Variants in C2orf49 observed in about 807,000 individuals in gnomAD.
C2orf49 encodes the protein tRNA splicing ligase complex subunit 2, also known as tRNA-splicing ligase complex subunit ASW.
C2orf49 carries 11 observed loss-of-function variants against 20.6 expected under a neutral mutation model. That is an observed-to-expected ratio of 0.53 (90% CI 0.34 to 0.88). C2orf49 has a LOEUF of 0.88. Among genes scored for constraint, C2orf49 ranks in the 40% least tolerant of loss-of-function variants. C2orf49 has a pLI of 0.02. For synonymous variants in C2orf49, 134 were observed against 108.5 expected (o/e 1.24, Z -1.46); for missense variants, 289 against 274.2 (o/e 1.05, Z -0.38).
chr2:105,352,429 G>GTTTTTTTTTTTTTTTTTTTT (rs61585149), downstream of C2orf49, among the ~76,000 whole-genome samples: 1 of 80,758 alleles, frequency 1.2e-5, no homozygotes, highest in Non-Finnish European at 2.1e-5. Context: ...GTTTGTTTGG[G>GTTTTTTTTTTTTTTTTTTTT]TTTTTTTTTT....
the C2orf49 span, among the ~76,000 whole-genome samples, chr2:105,365,842 CAAAAA>C: frequency 6.7e-6 from 1 of 149,046 alleles, no homozygotes; most frequent in East Asian, 2.0e-4. Context: ...GAAACTGTCT[CAAAAA>C]AAGAAAAAAA....
At chr2:105,356,961 A>C in the C2orf49 span, among the ~76,000 whole-genome samples, 20 of 152,122 alleles carry the variant, frequency 1.3e-4, no homozygotes, top group Non-Finnish European at 2.4e-4. Context: ...TTTTTTAAGA[A>C]GGTCTCACTA....
the C2orf49 span, chr2:105,378,205 G>A: frequency 2.1e-6 from 1 of 470,570 alleles, no homozygotes; most frequent in South Asian, 1.6e-5. Context: ...AATATTTATG[G>A]CACAAAAATG....
In C2orf49 at chr2:105,341,960, G is replaced by A. The variant is rs554166307; in HGVS notation, c.267-888G>A. Reference sequence around the variant, plus strand: ...TGGGAGGCGGGCGGATTACCCTGAGGTCAGGAGTTCAAGACCAGCCTGGCC... The same window carrying A: ...TGGGAGGCGGGCGGATTACCCTGAGATCAGGAGTTCAAGACCAGCCTGGCC... On this transcript the variant is annotated intron_variant, in intron 2 of 3. Coordinates refer to ENST00000258457, the MANE Select transcript of C2orf49 (RefSeq NM_024093.3). Among the ~76,000 whole-genome samples the A allele has an allele frequency of 1.6e-4, 24 of 152,316 alleles. No homozygotes were observed. In the South Asian group the frequency reaches 5.0e-3, roughly 32 times the overall value.
At chr2:105,371,302 C>T in the C2orf49 span, among the ~76,000 whole-genome samples, 31 of 152,218 alleles carry the variant, frequency 2.0e-4, no homozygotes, top group African/African-American at 6.7e-4. Context: ...GTATCAGGGC[C>T]GGGCTTCATC....
chr2:105,369,073 A>G, the C2orf49 span, among the ~76,000 whole-genome samples: 2 of 152,186 alleles, frequency 1.3e-5, no homozygotes, highest in Non-Finnish European at 2.9e-5. Flanking sequence ...TGTGACAGAG[A>G]CTGTATGGTC....
chr2:105,384,028 G>A, the C2orf49 span, among the ~76,000 whole-genome samples: 986 of 152,284 alleles, frequency 6.5e-3, 2 homozygotes, highest in Non-Finnish European at 0.01. Context: ...TAAAACATGC[G>A]TGGAAGGATG....
the C2orf49 span, chr2:105,359,697 T>C: frequency 2.6e-5 from 4 of 152,318 alleles, no homozygotes; most frequent in Non-Finnish European, 5.9e-5. Flanking sequence ...AGAATGTTAT[T>C]TTTACTGTAA....
the C2orf49 span, chr2:105,359,598 A>G: frequency 3.9e-5 from 6 of 152,214 alleles, no homozygotes; most frequent in African/African-American, 1.4e-4. Context: ...GAACTGTGCA[A>G]TGTTCTATCC....
intron 1 of C2orf49, among the ~76,000 whole-genome samples, chr2:105,338,852 C>T (rs915312692): frequency 1.3e-5 from 2 of 152,168 alleles, no homozygotes; most frequent in African/African-American, 4.8e-5. Flanking sequence ...CTCATTTCTC[C>T]TTCTTAAATC....
At chr2:105,352,599 C>G (rs983888336), downstream of C2orf49, among the ~76,000 whole-genome samples, 6 of 151,796 alleles carry the variant, frequency 4.0e-5, no homozygotes, top group Non-Finnish European at 7.4e-5. Flanking sequence ...CACGCACCAC[C>G]ACACCCGGCT....
the C2orf49 span, chr2:105,361,434 C>A: frequency 7.4e-6 from 12 of 1,612,570 alleles, no homozygotes; most frequent in African/African-American, 1.2e-4. Context: ...GCCACCAAGT[C>A]CTGTTAACAG....
chr2:105,363,056 C>G, the C2orf49 span: 1 of 515,656 alleles, frequency 1.9e-6, no homozygotes, highest in South Asian at 3.0e-5. Context: ...AACTGGAGCA[C>G]TGGCCATATG....
chr2:105,371,546 A>ATCTTTC, the C2orf49 span, among the ~76,000 whole-genome samples: 1 of 140,970 alleles, frequency 7.1e-6, no homozygotes, highest in Non-Finnish European at 1.5e-5. Context: ...ATCCCTTGAA[A>ATCTTTC]TCTCTCTCTC....
downstream of C2orf49, among the ~76,000 whole-genome samples, chr2:105,352,457 T>G (rs1315011226): frequency 6.9e-6 from 1 of 145,328 alleles, no homozygotes; most frequent in African/African-American, 2.6e-5. Context: ...TTTTCGTTTT[T>G]TTTTTGAGAT....
At chr2:105,371,546 A>ATCTCTCTCTCTCTC in the C2orf49 span, among the ~76,000 whole-genome samples, 924 of 141,002 alleles carry the variant, frequency 6.6e-3, 11 homozygotes, top group South Asian at 0.012. Flanking sequence ...ATCCCTTGAA[A>ATCTCTCTCTCTCTC]TCTCTCTCTC....
At chr2:105,361,337 G>C in the C2orf49 span, 1 of 1,614,148 alleles carries the variant, frequency 6.2e-7, no homozygotes, top group South Asian at 1.1e-5. Context: ...CTGTGAGGAA[G>C]CCACGCCCCA....
rs1679616202 is a variant in C2orf49, at chr2:105,339,758, T to G, written c.266+9T>G. The G allele has an allele frequency of 1.3e-6, 2 of 1,577,556 alleles. No homozygotes were observed. Among genetic ancestry groups the G allele is most frequent in the Non-Finnish European group, 1.7e-6 (2 of 1,168,000 alleles). ...AAAAATGAGACTAAAAGGTACTTTTTGGTGGTTCTAGCTTTCAATTTATCT... is the reference window on the plus strand; with the variant it reads ...AAAAATGAGACTAAAAGGTACTTTTGGGTGGTTCTAGCTTTCAATTTATCT... On this transcript the variant is annotated intron_variant, in intron 2 of 3. Transcript: ENST00000258457.
chr2:105,343,681 T>G (rs1312392649), intron 3 of C2orf49, among the ~76,000 whole-genome samples: 1 of 152,184 alleles, frequency 6.6e-6, no homozygotes, highest in East Asian at 1.9e-4. Context: ...TTTTTAAGAT[T>G]TACCACTTGC....
Sources: gnomAD v4.1 joint callset for allele counts (sites outside exome capture counted in the v4.1 genomes callset) on GRCh38, gnomAD v4.1.1 for gene constraint, MANE v1.5 for transcripts, NCBI Gene and HGNC (gene_info 2026-07-23, HGNC 2026-07-21) for gene names.